The following SYNRG variants were observed in gnomAD, a reference collection of about 807,000 sequenced individuals.
SYNRG encodes the protein AP1 gamma subunit binding protein 1.
SYNRG carries 37 observed loss-of-function variants against 130.9 expected under a neutral mutation model. That is an observed-to-expected ratio of 0.28 (90% CI 0.22 to 0.37). The LOEUF (loss-of-function observed/expected upper bound fraction) is 0.37, where lower values mean the gene tolerates loss of function less well. Ranked by LOEUF, SYNRG falls within the 10% of genes least tolerant of loss-of-function variation. The pLI is 1.00. For synonymous variants in SYNRG, 539 were observed against 568.1 expected (o/e 0.95, Z 0.73); for missense variants, 1,338 against 1,588.9 (o/e 0.84, Z 2.68).
At chr17:37,570,143 C>CTT (rs11320959) in intron 10 of SYNRG, among the ~76,000 whole-genome samples, 10 of 113,782 alleles carry the variant, frequency 8.8e-5, no homozygotes, top group Non-Finnish European at 1.6e-4. Flanking sequence ...CATGCTGAGG[C>CTT]TTTTTTTTTT....
intron 11 of SYNRG, among the ~76,000 whole-genome samples, chr17:37,566,638 AT>A (rs1274801611): frequency 2.0e-5 from 3 of 152,076 alleles, no homozygotes; most frequent in African/African-American, 2.4e-5. Flanking sequence ...CAATAAAAAA[AT>A]AAATTAAAAA....
chr17:37,538,815 A>T (rs887444936), intron 17 of SYNRG, among the ~76,000 whole-genome samples: 1 of 152,198 alleles, frequency 6.6e-6, no homozygotes, highest in African/African-American at 2.4e-5. Context: ...GGCTGGTCTC[A>T]AACTCCTGAC....
At position 37,518,923 on chromosome 17, in the gene SYNRG, C is replaced by T; in HGVS notation, c.*17G>A. On this transcript the variant is annotated 3_prime_UTR_variant, in exon 22 of 22. Coordinates refer to ENST00000612223, the MANE Select transcript of SYNRG (RefSeq NM_007247.6). ...TGTCACAGAAAAAAAAAAGTCAATG[C>T]TTCACAGAGGAGTTGTTCAGAGCAG... 6.2e-7 allele frequency: 1 copy of T among 1,606,018 alleles called. No individual in the cohort carries two copies. The highest frequency in any genetic ancestry group is 8.5e-7 in the Non-Finnish European group (1 of 1,177,096).
chr17:37,568,883 A>T lies in SYNRG; in HGVS notation c.1389T>A (p.Asp463Glu). The T allele has an allele frequency of 6.2e-7, 1 of 1,614,080 alleles. No homozygotes were observed. Among genetic ancestry groups the T allele is most frequent in the Non-Finnish European group, 8.5e-7 (1 of 1,179,972 alleles). Reference sequence around the variant, plus strand: ...CATCAAGGGATCCTGACTTAGAAGCATCTTGAAAATCCTGGAAGTCATCTT... The same window carrying T: ...CATCAAGGGATCCTGACTTAGAAGCTTCTTGAAAATCCTGGAAGTCATCTT... ...PEEDDFQDFQ[D>E]ASKSGSLDDS... Residue 463 changes from aspartate to glutamate, a missense_variant, in exon 11 of 22, where the codon GAT becomes GAA. Physicochemically the swap from Asp to Glu is conservative, Grantham distance 45. Around this residue, in one of 3 missense-constraint regions of SYNRG, gnomAD observed 1,146 missense variants for 1,342.3 expected, o/e 0.85. Transcript: ENST00000612223.
chr17:37,597,552 G>C (rs912182448), intron 2 of SYNRG, among the ~76,000 whole-genome samples: 1 of 152,142 alleles, frequency 6.6e-6, no homozygotes, highest in Non-Finnish European at 1.5e-5. Context: ...TACTTACTAT[G>C]CTCAAAGAAA....
chr17:37,602,162 C>T (rs553894735), intron 1 of SYNRG, among the ~76,000 whole-genome samples: 2 of 151,884 alleles, frequency 1.3e-5, no homozygotes, highest in South Asian at 4.2e-4. Context: ...ATGGAGAAAC[C>T]CCATCTCTAC....
chr17:37,567,966 G>A (rs2060122073), intron 11 of SYNRG: 1 of 152,192 alleles, frequency 6.6e-6, no homozygotes, highest in Non-Finnish European at 1.5e-5. Context: ...CACTTTAGGA[G>A]GTCAAGTAGA....
At chr17:37,606,293 C>G (rs2063743507) in intron 1 of SYNRG, among the ~76,000 whole-genome samples, 1 of 152,196 alleles carries the variant, frequency 6.6e-6, no homozygotes, top group Admixed American at 6.6e-5. Flanking sequence ...AAATGAAATA[C>G]CACTTCTTTG....
At chr17:37,522,770 A>G (rs1204045428) in intron 19 of SYNRG, among the ~76,000 whole-genome samples, 1 of 151,394 alleles carries the variant, frequency 6.6e-6, no homozygotes, top group Admixed American at 6.6e-5. Context: ...CCTCCCAAGT[A>G]GCTGGGACTA....
intron 8 of SYNRG, among the ~76,000 whole-genome samples, chr17:37,574,232 C>T (rs2060641768): frequency 6.6e-6 from 1 of 152,064 alleles, no homozygotes; most frequent in Non-Finnish European, 1.5e-5. Flanking sequence ...AGACCCCATC[C>T]CACACCAAAT....
At chr17:37,540,238 C>T (rs1389742679) in intron 16 of SYNRG, 142 bp downstream of exon 16, 20 of 1,059,540 alleles carry the variant, frequency 1.9e-5, no homozygotes. Flanking sequence ...CCTTGCCTCA[C>T]TTTAATTACA....
chr17:37,523,988 C>T (rs1198067378), intron 19 of SYNRG, among the ~76,000 whole-genome samples: 1 of 152,192 alleles, frequency 6.6e-6, no homozygotes, highest in Non-Finnish European at 1.5e-5. Flanking sequence ...CCAATCTGGA[C>T]TCAGGAAGTT....
intron 8 of SYNRG, among the ~76,000 whole-genome samples, chr17:37,572,766 G>C (rs2060529510): frequency 6.6e-6 from 1 of 152,202 alleles, no homozygotes; most frequent in African/African-American, 2.4e-5. Context: ...TTCTGTTAAG[G>C]TGAGGAAGCA....
At chr17:37,541,593 G>A (rs754528591) in intron 15 of SYNRG, 5 of 216,540 alleles carry the variant, frequency 2.3e-5, no homozygotes, top group African/African-American at 6.9e-5. Flanking sequence ...GCAGATCCCC[G>A]GCCCCCACTT....
At chr17:37,608,831 C>G (rs940690948) in intron 1 of SYNRG, among the ~76,000 whole-genome samples, 5 of 152,174 alleles carry the variant, frequency 3.3e-5, no homozygotes, top group African/African-American at 9.7e-5. Flanking sequence ...ACACACACCC[C>G]CCTTGGAAAC....
At position 37,553,961 on chromosome 17, in the gene SYNRG, C is replaced by G. The variant is rs1280334499; in HGVS notation, c.1762G>C (p.Asp588His). 6.2e-7 allele frequency: 1 copy of G among 1,610,054 alleles called. No homozygotes were observed. Among genetic ancestry groups the G allele is most frequent in the Admixed American group, 1.7e-5 (1 of 58,232 alleles). ...SVSPLEPPTK[D>H]KTFPPSFPSG... ...GGGAAGGATGGTGGAAAAGTTTTGTCTTTTGTTGGTGGCTCTAGTGGTGAT... is the reference window on the plus strand; with the variant it reads ...GGGAAGGATGGTGGAAAAGTTTTGTGTTTTGTTGGTGGCTCTAGTGGTGAT... The change falls in exon 14 of 22, where the codon GAC (aspartate) becomes CAC (histidine). Residue 588 changes from aspartate to histidine, a missense_variant. Asp to His is a moderately conservative substitution (Grantham distance 81). Around this residue, in one of 3 missense-constraint regions of SYNRG, gnomAD observed 1,146 missense variants for 1,342.3 expected, o/e 0.85. Coordinates refer to ENST00000612223, the MANE Select transcript of SYNRG (RefSeq NM_007247.6).
chr17:37,535,808 C>T (rs1475984873), intron 19 of SYNRG, among the ~76,000 whole-genome samples, 171 bp downstream of exon 19: 1 of 152,144 alleles, frequency 6.6e-6, no homozygotes, highest in African/African-American at 2.4e-5. Flanking sequence ...ATCAGAAGCC[C>T]ACCTGGTACT....
rs376523369 is a variant in SYNRG, at chr17:37,577,580, C to G, written c.623G>C (p.Cys208Ser). The G allele has an allele frequency of 1.9e-5, 30 of 1,613,710 alleles. No homozygotes were observed. Among genetic ancestry groups the G allele is most frequent in the Non-Finnish European group, 2.3e-5 (27 of 1,179,992 alleles). Residue 208 changes from cysteine (C) to serine (S), a missense_variant, in exon 7 of 22, where the codon TGT becomes TCT. Physicochemically the swap from Cys to Ser is moderately radical, Grantham distance 112. Coordinates refer to ENST00000612223, the MANE Select transcript of SYNRG (RefSeq NM_007247.6). Reference protein sequence around the residue: ...PSLEEKFLVSCDISTSGQEQI... With the variant: ...PSLEEKFLVSSDISTSGQEQI... ...TTCCTGCCCAGATGTACTTATATCA[C>G]AAGATACTAGGAACTTCTCCTCCAA... is the stretch of plus-strand genomic sequence containing the variant.
At chr17:37,525,092 T>C (rs1323888998) in intron 19 of SYNRG, among the ~76,000 whole-genome samples, 7 of 152,222 alleles carry the variant, frequency 4.6e-5, no homozygotes, top group Non-Finnish European at 1.0e-4. Flanking sequence ...AAAATTAACC[T>C]TCTTAAGTAC....
Sources: gnomAD v4.1 joint callset for allele counts (sites outside exome capture counted in the v4.1 genomes callset) on GRCh38, gnomAD v4.1.1 for gene constraint, gnomAD v4.1.1 regional missense constraint, MANE v1.5 for transcripts, NCBI Gene and HGNC (gene_info 2026-07-23, HGNC 2026-07-21) for gene names.